ZNF407: variants seen among roughly 807,000 people sequenced by gnomAD.
The protein encoded by ZNF407 is zinc finger protein 407.
Under a neutral mutation model 131.2 loss-of-function variants are expected in ZNF407, and 17 were observed. That is an observed-to-expected ratio of 0.13 (90% CI 0.09 to 0.19). The LOEUF is 0.19. Ranked by LOEUF, ZNF407 falls within the 10% of genes least tolerant of loss-of-function variation. The pLI is 1.00. For synonymous variants in ZNF407, 1,156 were observed against 1,062.0 expected (o/e 1.09, Z -1.72); for missense variants, 2,681 against 2,830.6 (o/e 0.95, Z 1.20).
chr18:75,051,380 T>G (rs1016946442), intron 8 of ZNF407, among the ~76,000 whole-genome samples: 1 of 152,190 alleles, frequency 6.6e-6, no homozygotes, highest in African/African-American at 2.4e-5. Flanking sequence ...AACCTAAAAA[T>G]TCTACTAGTA....
chr18:74,821,221 C>A (rs1470595968), intron 4 of ZNF407, among the ~76,000 whole-genome samples: 27 of 151,750 alleles, frequency 1.8e-4, no homozygotes, highest in Admixed American at 1.7e-3. Flanking sequence ...TTTGCAAAGT[C>A]TTAATTGAGA....
At chr18:74,810,859 A>AT (rs1970183741) in intron 4 of ZNF407, among the ~76,000 whole-genome samples, 1 of 152,326 alleles carries the variant, frequency 6.6e-6, no homozygotes, top group East Asian at 1.9e-4. Context: ...TTCAAGATGG[A>AT]TTAAAGACTT....
At chr18:74,907,347 A>G (rs1971609806) in intron 7 of ZNF407, among the ~76,000 whole-genome samples, 1 of 152,170 alleles carries the variant, frequency 6.6e-6, no homozygotes, top group Non-Finnish European at 1.5e-5. Context: ...GGTGCTGGAC[A>G]TCAGACTCTG....
intron 4 of ZNF407, among the ~76,000 whole-genome samples, chr18:74,865,161 G>C (rs1970993273): frequency 6.6e-6 from 1 of 152,170 alleles, no homozygotes; most frequent in African/African-American, 2.4e-5. Context: ...GCTCAGAGCT[G>C]ACCCTGGTGT....
intron 3 of ZNF407, among the ~76,000 whole-genome samples, chr18:74,755,775 C>CTTTCTT (rs1454993539): frequency 0.02 from 292 of 14,970 alleles, 1 homozygote; most frequent in African/African-American, 0.031. Context: ...CTTTCTTTCT[C>CTTTCTT]TCTCTCTCTT....
At chr18:74,827,497 A>G (rs1970425011) in intron 4 of ZNF407, among the ~76,000 whole-genome samples, 1 of 151,474 alleles carries the variant, frequency 6.6e-6, no homozygotes, top group Non-Finnish European at 1.5e-5. Context: ...ATGCTCTATC[A>G]TCCCAGATTT....
intron 8 of ZNF407, among the ~76,000 whole-genome samples, chr18:75,010,765 T>C (rs954471033): frequency 6.6e-6 from 1 of 152,190 alleles, no homozygotes; most frequent in Admixed American, 6.6e-5. Flanking sequence ...CTCTCCTTTA[T>C]GTTAGACTAA....
chr18:74,890,126 T>G, intron 7 of ZNF407, 88 bp downstream of exon 7: 1 of 1,328,570 alleles, frequency 7.5e-7, no homozygotes, highest in Non-Finnish European at 9.7e-7. Context: ...GTGTAGTTTT[T>G]CTAATCACCA....
At chr18:75,059,691 G>A (rs1196988714) in intron 8 of ZNF407, among the ~76,000 whole-genome samples, 3 of 152,112 alleles carry the variant, frequency 2.0e-5, no homozygotes, top group Non-Finnish European at 2.9e-5. Flanking sequence ...TCAGCCACAC[G>A]GGCCCGGCTT....
chr18:74,620,762 C>G (rs879195257), intron 1 of ZNF407, among the ~76,000 whole-genome samples: 121,969 of 152,076 alleles, frequency 0.8, 49,750 homozygotes, highest in Non-Finnish European at 0.87. Context: ...CCAGAGGCCC[C>G]TAAGCTTGAA....
intron 8 of ZNF407, among the ~76,000 whole-genome samples, chr18:74,976,877 G>A (rs1413388138): frequency 4.6e-5 from 7 of 150,906 alleles, no homozygotes; most frequent in East Asian, 1.9e-4. Flanking sequence ...TAACTAAATC[G>A]AGAATTTTCC....
intron 8 of ZNF407, among the ~76,000 whole-genome samples, chr18:75,022,164 G>A (rs895027378): frequency 6.6e-6 from 1 of 152,086 alleles, no homozygotes. Flanking sequence ...GTCTATCAAA[G>A]TCACAATAAA....
intron 4 of ZNF407, among the ~76,000 whole-genome samples, chr18:74,787,797 G>A (rs565134005): frequency 1.3e-5 from 2 of 152,198 alleles, no homozygotes; most frequent in East Asian, 3.9e-4. Flanking sequence ...TTCGTAAATT[G>A]ACTCCGCTCA....
chr18:75,011,503 A>G (rs760596617), intron 8 of ZNF407, among the ~76,000 whole-genome samples: 3 of 152,192 alleles, frequency 2.0e-5, no homozygotes. Flanking sequence ...AAACAATGCT[A>G]TATTAAATAT....
chr18:74,635,063 G>A lies in ZNF407; in HGVS notation c.4044G>A (p.Gln1348=), dbSNP rs369006382. 1 of 1,613,844 alleles carries A rather than the reference G, an allele frequency of 6.2e-7. No individual in the cohort carries two copies. Among genetic ancestry groups the A allele is most frequent in the African/African-American group, 1.3e-5 (1 of 74,910 alleles). Residue 1348 remains glutamine (Q), a synonymous_variant, in exon 2 of 9, where the codon CAG becomes CAA. Coordinates refer to ENST00000299687, the MANE Select transcript of ZNF407 (RefSeq NM_017757.3). This position sits in a 1 kb window ranked among gnomAD's most constrained non-coding sequence, Gnocchi z 4.7. ...TAATTAGTATTGATGATAAAGGGCA[G>A]GCCATGTACAGTTTTGGTCGATTTG... The part of the protein sequence containing the change: ...ETIISIDDKG[Q]AMYSFGRFDS...
intron 3 of ZNF407, among the ~76,000 whole-genome samples, chr18:74,755,785 T>TTCTTTC (rs1968938353): frequency 4.4e-5 from 2 of 45,014 alleles, no homozygotes; most frequent in East Asian, 7.4e-4. Flanking sequence ...CTCTCTCTCT[T>TTCTTTC]TCCTTCCTTC....
chr18:74,699,211 A>C (rs1967434097), intron 3 of ZNF407, among the ~76,000 whole-genome samples: 1 of 152,202 alleles, frequency 6.6e-6, no homozygotes. Flanking sequence ...TTGCAAAGAT[A>C]AGATCTGCTA....
At chr18:74,639,726 C>T (rs746245660) in intron 2 of ZNF407, among the ~76,000 whole-genome samples, 4 of 152,066 alleles carry the variant, frequency 2.6e-5, no homozygotes, top group Non-Finnish European at 5.9e-5. Context: ...CCTTGTCTGC[C>T]GGTGCTTAGT....
chr18:74,612,067 A>G (rs941520207), intron 1 of ZNF407, among the ~76,000 whole-genome samples: 2 of 152,174 alleles, frequency 1.3e-5, no homozygotes, highest in African/African-American at 2.4e-5. Context: ...GATTGAGTGA[A>G]TGTTAGCTGC....
Sources: gnomAD v4.1 joint callset for allele counts (sites outside exome capture counted in the v4.1 genomes callset) on GRCh38, gnomAD v4.1.1 for gene constraint, Gnocchi (gnomAD v3.1) non-coding constraint, MANE v1.5 for transcripts, NCBI Gene and HGNC (gene_info 2026-07-23, HGNC 2026-07-21) for gene names.